Variants in TEX36 observed in about 807,000 individuals in gnomAD.
The protein encoded by TEX36 is testis expressed 36, also known as testis-expressed protein 36.
Under a neutral mutation model 13.6 loss-of-function variants are expected in TEX36, and 12 were observed. The observed-to-expected ratio is 0.88, with a 90% CI of 0.56 to 1.43. The LOEUF (loss-of-function observed/expected upper bound fraction) is 1.43. TEX36 is among the 40% of genes most tolerant of loss of function. TEX36 has a pLI of 0.00. For missense variants in TEX36, 224 were observed against 228.3 expected, an observed-to-expected ratio of 0.98 and a Z score of 0.12; for synonymous variants, 93 against 83.0, an observed-to-expected ratio of 1.12 and a Z score of -0.65.
chr10:125,634,598 G>A (rs777304820), intron 3 of TEX36, among the ~76,000 whole-genome samples: 37 of 152,266 alleles, frequency 2.4e-4, no homozygotes, highest in Middle Eastern at 3.4e-3. Context: ...TTCTGCCTTG[G>A]TAAAAGGTTA....
chr10:125,661,099 T>A lies in TEX36; in HGVS notation c.186A>T (p.Gln62His). 1 of 1,551,864 alleles carries A rather than the reference T, an allele frequency of 6.4e-7. No homozygotes were observed. Among genetic ancestry groups the A allele is most frequent in the Non-Finnish European group, 8.7e-7 (1 of 1,146,964 alleles). Residue 62 changes from glutamine to histidine, a missense_variant and splice_region_variant, in exon 3 of 4, where the codon CAA becomes CAT. Transcript: ENST00000368821. The stretch of plus-strand genomic sequence containing the variant: ...AGAAGGGGAACTGGTTATTCACTGC[T>A]TGCTGGAAAAGTGGGATGGAAGGGA... ...LPPIYKVREK[Q>H]AVNNQFPFSV...
At chr10:125,644,890 T>A (rs760667868) in intron 3 of TEX36, among the ~76,000 whole-genome samples, 1 of 152,148 alleles carries the variant, frequency 6.6e-6, no homozygotes, top group Non-Finnish European at 1.5e-5. Flanking sequence ...ATTGCAAAAC[T>A]TGAGAGAGGC....
chr10:125,666,936 G>T, intron 1 of TEX36: 2 of 650,078 alleles, frequency 3.1e-6, no homozygotes, highest in East Asian at 6.2e-5. Context: ...CTCACTGCTT[G>T]GGGTGTACTT....
intron 3 of TEX36, among the ~76,000 whole-genome samples, chr10:125,625,880 T>G (rs1846482283): frequency 6.6e-6 from 1 of 152,216 alleles, no homozygotes; most frequent in Non-Finnish European, 1.5e-5. Context: ...TTTCCTCAAC[T>G]CTGAGCACGC....
At chr10:125,588,115 G>A (rs964589434) in intron 3 of TEX36, among the ~76,000 whole-genome samples, 1 of 152,198 alleles carries the variant, frequency 6.6e-6, no homozygotes, top group Non-Finnish European at 1.5e-5. Context: ...GCACATGTGA[G>A]TATATCTCTA....
At chr10:125,654,359 G>A (rs1333482454), downstream of TEX36, among the ~76,000 whole-genome samples, 1 of 152,024 alleles carries the variant, frequency 6.6e-6, no homozygotes, top group Non-Finnish European at 1.5e-5. Context: ...AAATATACAG[G>A]AATAAACATG....
intron 3 of TEX36, among the ~76,000 whole-genome samples, chr10:125,637,252 C>T (rs997992082): frequency 5.3e-5 from 8 of 151,114 alleles, no homozygotes; most frequent in East Asian, 3.9e-4. Context: ...GAGGCTGCAA[C>T]GAGCCATGAT....
intron 3 of TEX36, among the ~76,000 whole-genome samples, chr10:125,641,569 TG>T (rs1846692432): frequency 6.6e-6 from 1 of 152,246 alleles, no homozygotes; most frequent in Non-Finnish European, 1.5e-5. Context: ...GTTATTTTAG[TG>T]TCTAAGTCAT....
intron 1 of TEX36, chr10:125,667,544 G>C (rs1847143450): frequency 4.1e-6 from 3 of 736,364 alleles, no homozygotes; most frequent in Non-Finnish European, 7.7e-6. Flanking sequence ...CTTGTACTGG[G>C]CACAGCACTC....
At chr10:125,649,228 G>A (rs1359838706) in intron 3 of TEX36, among the ~76,000 whole-genome samples, 1 of 152,144 alleles carries the variant, frequency 6.6e-6, no homozygotes. Context: ...TTGAAATGAA[G>A]GAAAAAATGT....
chr10:125,647,089 G>T (rs1473687792), intron 3 of TEX36, among the ~76,000 whole-genome samples: 1 of 152,172 alleles, frequency 6.6e-6, no homozygotes, highest in African/African-American at 2.4e-5. Context: ...TCCCAAGAAT[G>T]CTAGAATGGC....
intron 2 of TEX36, among the ~76,000 whole-genome samples, 167 bp downstream of exon 2, chr10:125,661,679 G>A (rs1473643631): frequency 6.6e-6 from 1 of 152,170 alleles, no homozygotes; most frequent in Non-Finnish European, 1.5e-5. Context: ...AGTTCCTGCC[G>A]CAGAGCACCA....
chr10:125,586,790 A>G (rs559981741), intron 3 of TEX36, among the ~76,000 whole-genome samples: 4 of 150,452 alleles, frequency 2.7e-5, no homozygotes, highest in East Asian at 3.9e-4. Context: ...GACCCTGTCT[A>G]AAAAAAAAGA....
intron 3 of TEX36, among the ~76,000 whole-genome samples, chr10:125,583,433 T>C (rs1040563562): frequency 6.6e-6 from 1 of 151,912 alleles, no homozygotes; most frequent in African/African-American, 2.4e-5. Context: ...GCTGTGTTTT[T>C]GCATAGCAGA....
intron 1 of TEX36, among the ~76,000 whole-genome samples, chr10:125,669,148 G>A (rs1589785637): frequency 6.6e-6 from 1 of 152,112 alleles, no homozygotes; most frequent in East Asian, 1.9e-4. Context: ...AAAATTAGCT[G>A]GGTGTGATGG....
chr10:125,651,675 G>C (rs1315953255), downstream of TEX36, among the ~76,000 whole-genome samples: 2 of 152,082 alleles, frequency 1.3e-5, no homozygotes, highest in African/African-American at 2.4e-5. Flanking sequence ...AGACATAAAG[G>C]GTATTCAATT....
chr10:125,598,913 C>T (rs1039874048), intron 3 of TEX36, among the ~76,000 whole-genome samples: 2 of 152,150 alleles, frequency 1.3e-5, no homozygotes, highest in Non-Finnish European at 2.9e-5. Context: ...TGCTGGTTAA[C>T]CACTAACAAA....
At chr10:125,591,920 A>G (rs1846025690) in intron 3 of TEX36, among the ~76,000 whole-genome samples, 1 of 152,188 alleles carries the variant, frequency 6.6e-6, no homozygotes, top group Non-Finnish European at 1.5e-5. Flanking sequence ...ATTTCTGAGT[A>G]GGGCCCAGGC....
At chr10:125,606,720 A>T (rs1040314551) in intron 3 of TEX36, among the ~76,000 whole-genome samples, 1 of 152,216 alleles carries the variant, frequency 6.6e-6, no homozygotes, top group Admixed American at 6.5e-5. Flanking sequence ...GCTAAGGTGA[A>T]TCATTTCCTA....
Sources: gnomAD v4.1 joint callset for allele counts (sites outside exome capture counted in the v4.1 genomes callset) on GRCh38, gnomAD v4.1.1 for gene constraint, MANE v1.5 for transcripts, NCBI Gene and HGNC (gene_info 2026-07-23, HGNC 2026-07-21) for gene names.